The following CEP112 variants were observed in gnomAD, a reference collection of about 807,000 sequenced individuals.
CEP112 encodes the protein centrosomal protein of 112 kDa.
CEP112 carries 127 observed loss-of-function variants against 153.0 expected under a neutral mutation model. The observed-to-expected ratio is 0.83, with a 90% confidence interval of 0.72 to 0.96. The LOEUF (loss-of-function observed/expected upper bound fraction) is 0.96, where lower values mean the gene tolerates loss of function less well. CEP112 is among the 40% of genes least tolerant of loss of function. The pLI, the probability that CEP112 is intolerant of heterozygous loss-of-function variation, is 0.00. For missense variants in CEP112, 1,089 were observed against 1,101.2 expected (o/e 0.99, Z 0.16); for synonymous variants, 358 against 374.4 (o/e 0.96, Z 0.51).
intron 24 of CEP112, among the ~76,000 whole-genome samples, chr17:65,666,967 C>T (rs1329947191): frequency 6.6e-6 from 1 of 152,130 alleles, no homozygotes; most frequent in Non-Finnish European, 1.5e-5. Flanking sequence ...TAAACACTGG[C>T]ATCTGGTCTA....
chr17:66,043,430 A>G (rs202084120), intron 12 of CEP112, among the ~76,000 whole-genome samples: 2 of 55,630 alleles, frequency 3.6e-5, no homozygotes, highest in African/African-American at 8.9e-5. Flanking sequence ...GAATATTTTA[A>G]CAACTGTAAC....
Position 66,145,083 on chromosome 17 carries a change from A to T in CEP112, c.471-12320T>A, listed in dbSNP as rs75957315. Among the ~76,000 whole-genome samples the T allele has an allele frequency of 3.4e-3, 524 of 152,234 alleles. 4 individuals are homozygous for T. The highest frequency in any genetic ancestry group is 0.012 in the African/African-American group (512 of 41,554). On this transcript the variant is annotated intron_variant, in intron 4 of 26. Transcript: ENST00000535342. Reference sequence around the variant, plus strand: ...CCATTTATAAATTTTAGTCTTTATAATCCTAAGGGGTATGCAGTGGTATCA... The same window carrying T: ...CCATTTATAAATTTTAGTCTTTATATTCCTAAGGGGTATGCAGTGGTATCA...
At chr17:65,846,301 T>G (rs770504404) in intron 21 of CEP112, among the ~76,000 whole-genome samples, 4 of 152,138 alleles carry the variant, frequency 2.6e-5, no homozygotes, top group Non-Finnish European at 4.4e-5. Flanking sequence ...CAGTAAAAAC[T>G]CAAATTTTAA....
chr17:65,813,912 CA>C (rs1390478465), intron 21 of CEP112, among the ~76,000 whole-genome samples: 1 of 152,120 alleles, frequency 6.6e-6, no homozygotes, highest in Non-Finnish European at 1.5e-5. Flanking sequence ...CAACGTTTAA[CA>C]CAAACAATTC....
chr17:65,726,637 G>A (rs1032621466), intron 23 of CEP112, among the ~76,000 whole-genome samples: 1 of 152,172 alleles, frequency 6.6e-6, no homozygotes, highest in East Asian at 1.9e-4. Context: ...AAGCAGAAGA[G>A]TTTGATCATG....
chr17:66,160,062 A>G (rs2071631527), intron 4 of CEP112, among the ~76,000 whole-genome samples: 2 of 152,210 alleles, frequency 1.3e-5, no homozygotes, highest in Non-Finnish European at 2.9e-5. Flanking sequence ...ACAAACAGAG[A>G]GCCAAATCAT....
intron 2 of CEP112, among the ~76,000 whole-genome samples, chr17:66,177,894 CATT>C (rs1439820094): frequency 2.0e-5 from 3 of 152,160 alleles, no homozygotes. Context: ...GACAGGGTCT[CATT>C]ATCTTTTATG....
chr17:65,784,730 C>T (rs1162250661), intron 21 of CEP112, among the ~76,000 whole-genome samples: 3 of 152,122 alleles, frequency 2.0e-5, no homozygotes, highest in South Asian at 2.1e-4. Context: ...CCGCCTGCCT[C>T]GGCCTCCTAA....
chr17:66,002,769 C>A (rs1319813750), intron 17 of CEP112, among the ~76,000 whole-genome samples: 1 of 152,048 alleles, frequency 6.6e-6, no homozygotes, highest in Non-Finnish European at 1.5e-5. Context: ...AGCCTCTCTA[C>A]TATATATTCA....
At chr17:65,788,686 A>G (rs1339836809) in intron 21 of CEP112, among the ~76,000 whole-genome samples, 4 of 152,264 alleles carry the variant, frequency 2.6e-5, no homozygotes, top group East Asian at 3.9e-4. Context: ...TCATTAAATT[A>G]TCTTTTCTAT....
At chr17:66,152,197 G>A (rs1031931174) in intron 4 of CEP112, among the ~76,000 whole-genome samples, 1 of 152,180 alleles carries the variant, frequency 6.6e-6, no homozygotes, top group Non-Finnish European at 1.5e-5. Context: ...GAGGTCATTA[G>A]TAGGAATCTG....
chr17:65,677,362 C>A lies in CEP112; in HGVS notation c.2697+11767G>T, dbSNP rs77716279. 2.4e-3 allele frequency among the ~76,000 whole-genome samples: 361 copies of A among 152,210 alleles called. 8 individuals carry two copies. In the East Asian group the frequency reaches 0.047, roughly 20 times the overall value. ...TGTACTTAATAAAATTTAAATGATG[C>A]CAATTACATTATATTCTTTACTAAT... On this transcript the variant is annotated intron_variant, in intron 24 of 26. Coordinates refer to ENST00000535342, the MANE Select transcript of CEP112 (RefSeq NM_001199165.4).
intron 16 of CEP112, among the ~76,000 whole-genome samples, chr17:66,026,624 T>C (rs1298222507): frequency 6.6e-6 from 1 of 152,198 alleles, no homozygotes; most frequent in Non-Finnish European, 1.5e-5. Context: ...CCAGCATCCA[T>C]GGGGAATTGG....
chr17:65,654,332 T>C (rs1250623327), intron 24 of CEP112, among the ~76,000 whole-genome samples: 2 of 152,196 alleles, frequency 1.3e-5, no homozygotes, highest in Non-Finnish European at 2.9e-5. Context: ...TTAAAAATAT[T>C]CATTTCCCGC....
intron 21 of CEP112, among the ~76,000 whole-genome samples, chr17:65,772,749 G>T (rs114079462): frequency 0.011 from 1,741 of 152,148 alleles, 30 homozygotes; most frequent in African/African-American, 0.039. Flanking sequence ...AGTTGGGGAG[G>T]GAAGAGACAG....
intron 17 of CEP112, among the ~76,000 whole-genome samples, chr17:66,001,161 C>A (rs2064029579): frequency 6.6e-6 from 1 of 152,096 alleles, no homozygotes; most frequent in African/African-American, 2.4e-5. Context: ...CTCAGGGAGA[C>A]CTGAGGGGCT....
Position 65,801,873 on chromosome 17 carries a change from C to T in CEP112, c.2394+49931G>A, listed in dbSNP as rs576977228. On this transcript the variant is annotated intron_variant, in intron 21 of 26. Coordinates refer to ENST00000535342, the MANE Select transcript of CEP112 (RefSeq NM_001199165.4). ...TTTCTATTATTTTTCCCCCTGCCCA[C>T]GGGAAATAAAGTGTGCCCATGCCAC... Among the ~76,000 whole-genome samples, 101 of 152,254 alleles carry T rather than the reference C, an allele frequency of 6.6e-4. 1 individual carries two copies. The highest frequency in any genetic ancestry group is 2.2e-3 in the African/African-American group (91 of 41,552).
chr17:65,814,243 AAAG>A lies in CEP112; in HGVS notation c.2394+37558_2394+37560del, dbSNP rs142952238. Among the ~76,000 whole-genome samples the A allele has an allele frequency of 1.3e-3, 197 of 152,322 alleles. 4 individuals carry two copies. In the East Asian group the frequency reaches 0.032, roughly 25 times the overall value. ...AATGTGTGTCTAACATATTCTCACC[AAAG>A]AAGAAGCGTATGCATTATTTCCTCA... is the stretch of plus-strand genomic sequence containing the variant. On this transcript the variant is annotated intron_variant, in intron 21 of 26. Transcript: ENST00000535342.
chr17:65,909,580 C>T (rs981051105), intron 19 of CEP112, among the ~76,000 whole-genome samples: 2 of 152,168 alleles, frequency 1.3e-5, no homozygotes, highest in Admixed American at 1.3e-4. Flanking sequence ...TAACCATATT[C>T]CAAGAGAAAC....
Sources: allele counts gnomAD v4.1 joint callset (sites outside exome capture counted in the v4.1 genomes callset), GRCh38; gene constraint gnomAD v4.1.1; transcripts MANE v1.5; gene names NCBI Gene and HGNC (gene_info 2026-07-23, HGNC 2026-07-21).